The following METTL25 variants were observed in gnomAD, a reference collection of about 807,000 sequenced individuals.
The protein encoded by METTL25 is probable methyltransferase-like protein 25.
Under a neutral mutation model 71.6 loss-of-function variants are expected in METTL25, and 64 were observed. That is an observed-to-expected ratio of 0.89 (90% confidence interval 0.73 to 1.10). The LOEUF is 1.10. Ranked by LOEUF, METTL25 falls within the 50% of genes least tolerant of loss-of-function variation. The pLI is 0.00. For missense variants in METTL25, 807 were observed against 707.0 expected (o/e 1.14, Z -1.60); for synonymous variants, 287 against 250.3 (o/e 1.15, Z -1.38).
intron 1 of METTL25, among the ~76,000 whole-genome samples, chr12:82,376,720 A>G (rs1883901255): frequency 6.6e-6 from 1 of 152,248 alleles, no homozygotes. Flanking sequence ...TATTTCCTAC[A>G]AAAGACAAAT....
intron 8 of METTL25, among the ~76,000 whole-genome samples, chr12:82,446,760 G>T (rs948147096): frequency 6.6e-6 from 1 of 151,960 alleles, no homozygotes; most frequent in African/African-American, 2.4e-5. Context: ...GGGATTACAG[G>T]TGTAAGCTAC....
At chr12:82,433,896 T>C (rs1889718453) in intron 6 of METTL25, among the ~76,000 whole-genome samples, 2 of 151,588 alleles carry the variant, frequency 1.3e-5, no homozygotes, top group East Asian at 3.9e-4. Flanking sequence ...ATTTAAACTT[T>C]TTTAATAAAA....
At chr12:82,431,016 A>G (rs779002309) in intron 6 of METTL25, 29 bp downstream of exon 6, 10 of 1,393,112 alleles carry the variant, frequency 7.2e-6, no homozygotes, top group Non-Finnish European at 1.0e-5. Context: ...CTGGAGTAAC[A>G]GCTTTATCCA....
intron 4 of METTL25, among the ~76,000 whole-genome samples, chr12:82,400,338 CAA>C (rs67688329): frequency 7.4e-6 from 1 of 135,576 alleles, no homozygotes. Flanking sequence ...TCCCCCCCAA[CAA>C]AAAAAAAAAG....
intron 9 of METTL25, among the ~76,000 whole-genome samples, chr12:82,466,332 GTT>G (rs34191300): frequency 1.3e-4 from 19 of 144,520 alleles, no homozygotes; most frequent in East Asian, 8.0e-4. Flanking sequence ...TTCATTCTTA[GTT>G]TTTTTTTTTT....
At position 82,479,092 on chromosome 12, in the gene METTL25, CAT is replaced by C; in HGVS notation, c.*73_*74del. On this transcript the variant is annotated 3_prime_UTR_variant, in exon 12 of 12. Transcript: ENST00000248306. ...CTGTTGCTGAGATTGCTTTTCTAAA[CAT>C]ATATGTCCTGTTATACAAAAATTTT... is the stretch of plus-strand genomic sequence containing the variant. 7.7e-7 allele frequency: 1 copy of C among 1,304,786 alleles called. No homozygotes were observed. The highest frequency in any genetic ancestry group is 1.1e-6 in the Non-Finnish European group (1 of 911,170). 80.8% of individuals were successfully genotyped at this position (1,304,786 alleles called of 1,614,324 possible). A position where few individuals can be genotyped will look rare whatever the true frequency, so the allele number is the denominator to read the frequency against.
intron 9 of METTL25, among the ~76,000 whole-genome samples, chr12:82,475,752 G>C (rs1446341841): frequency 6.6e-6 from 1 of 152,008 alleles, no homozygotes; most frequent in Non-Finnish European, 1.5e-5. Context: ...CATTTGTTAT[G>C]TAATACTTAT....
chr12:82,402,821 G>T (rs1886751916), intron 4 of METTL25, among the ~76,000 whole-genome samples, 162 bp from the exon 5 acceptor site: 2 of 152,084 alleles, frequency 1.3e-5, no homozygotes, highest in African/African-American at 4.8e-5. Flanking sequence ...ATCATTTGAG[G>T]CCAGTAATTT....
At chr12:82,412,678 G>A (rs528150987) in intron 5 of METTL25, among the ~76,000 whole-genome samples, 28 of 152,178 alleles carry the variant, frequency 1.8e-4, no homozygotes, top group Middle Eastern at 3.4e-3. Context: ...TTACCAAATA[G>A]TATTTGGCAT....
intron 7 of METTL25, among the ~76,000 whole-genome samples, chr12:82,436,267 G>A (rs894568627): frequency 1.3e-5 from 2 of 151,390 alleles, no homozygotes; most frequent in African/African-American, 4.8e-5. Flanking sequence ...TTCCAACTTA[G>A]TGCCCTTTCC....
In METTL25 at chr12:82,363,195, G is replaced by A. The variant is rs189167798; in HGVS notation, c.259+4371G>A. 3.6e-3 allele frequency among the ~76,000 whole-genome samples: 544 copies of A among 152,276 alleles called. 4 individuals carry two copies. The highest frequency in any genetic ancestry group is 6.1e-3 in the Non-Finnish European group (415 of 68,024). On this transcript the variant is annotated intron_variant, in intron 1 of 11. Coordinates refer to ENST00000248306, the MANE Select transcript of METTL25 (RefSeq NM_032230.3). ...TGATCTCTTAACTCCACATGCCTGG[G>A]AGACCTAGAGATCCTAGCAGAAACA...
chr12:82,446,516 C>A (rs935655109), intron 8 of METTL25, among the ~76,000 whole-genome samples: 4 of 151,742 alleles, frequency 2.6e-5, no homozygotes, highest in Non-Finnish European at 4.4e-5. Context: ...AACAAGAGAA[C>A]CTTTGGAAAC....
chr12:82,459,893 A>G (rs938402920), intron 9 of METTL25: 2 of 152,226 alleles, frequency 1.3e-5, no homozygotes, highest in Non-Finnish European at 2.9e-5. Flanking sequence ...CAGTGATACT[A>G]ATCTTTGGAT....
At chr12:82,407,488 T>C (rs1887193370) in intron 5 of METTL25, among the ~76,000 whole-genome samples, 1 of 152,156 alleles carries the variant, frequency 6.6e-6, no homozygotes, top group African/African-American at 2.4e-5. Context: ...GTCAAAAATA[T>C]CTTACCCATC....
chr12:82,429,909 CTATGAT>C (rs886370758), intron 5 of METTL25, among the ~76,000 whole-genome samples: 2 of 151,368 alleles, frequency 1.3e-5, no homozygotes, highest in African/African-American at 4.8e-5. Flanking sequence ...TCTGGATAGG[CTATGAT>C]TGTAACATCT....
At chr12:82,460,636 A>T (rs372384008) in intron 9 of METTL25, among the ~76,000 whole-genome samples, 40 of 152,352 alleles carry the variant, frequency 2.6e-4, no homozygotes, top group African/African-American at 9.6e-4. Context: ...ACATTCTACA[A>T]AATACCTGAT....
intron 1 of METTL25, among the ~76,000 whole-genome samples, chr12:82,379,243 A>AAG (rs1160429504): frequency 6.6e-6 from 1 of 152,182 alleles, no homozygotes; most frequent in African/African-American, 2.4e-5. Context: ...CAACCTAAGT[A>AAG]AGAAATGATG....
At chr12:82,449,043 C>A (rs1890949855) in intron 8 of METTL25, among the ~76,000 whole-genome samples, 1 of 152,138 alleles carries the variant, frequency 6.6e-6, no homozygotes. Context: ...TACAAGTAAA[C>A]CATGTTCTTA....
chr12:82,426,375 T>A (rs1251672065), intron 5 of METTL25, among the ~76,000 whole-genome samples: 1 of 152,034 alleles, frequency 6.6e-6, no homozygotes, highest in African/African-American at 2.4e-5. Context: ...GAGTGATGTG[T>A]TTTCCTGTAG....
Sources: gnomAD v4.1 joint callset for allele counts (sites outside exome capture counted in the v4.1 genomes callset) on GRCh38, gnomAD v4.1.1 for gene constraint, MANE v1.5 for transcripts, NCBI Gene and HGNC (gene_info 2026-07-23, HGNC 2026-07-21) for gene names.